ZDHHC15: variants seen among roughly 807,000 people sequenced by gnomAD.
The protein encoded by ZDHHC15 is zDHHC palmitoyltransferase 15, also known as palmitoyltransferase ZDHHC15.
ZDHHC15 carries 19 observed loss-of-function variants against 31.7 expected under a neutral mutation model. The ratio of observed to expected loss-of-function variants is 0.60; its 90% CI spans 0.42 to 0.88. The LOEUF (loss-of-function observed/expected upper bound fraction) is 0.88, where lower values mean the gene tolerates loss of function less well. Among genes scored for constraint, ZDHHC15 ranks in the 40% least tolerant of loss-of-function variants. The pLI is 0.00. For synonymous variants in ZDHHC15, 103 were observed against 90.0 expected, an observed-to-expected ratio of 1.14 and a Z score of -0.82; for missense variants, 209 against 251.2, an observed-to-expected ratio of 0.83 and a Z score of 1.14.
chrX:75,517,751 TA>T (rs200170892), intron 1 of ZDHHC15, among the ~76,000 whole-genome samples: 1,803 of 109,321 alleles, frequency 0.016, 43 homozygotes, highest in African/African-American at 0.057. Context: ...AATAAAATTT[TA>T]AAAAAAAGCT....
chrX:75,399,842 C>T (rs1331947469), intron 10 of ZDHHC15, among the ~76,000 whole-genome samples: 2 of 111,206 alleles, frequency 1.8e-5, no homozygotes, highest in Non-Finnish European at 3.8e-5. Flanking sequence ...TGGTTCATAC[C>T]CCAAAACTTC....
intron 4 of ZDHHC15, among the ~76,000 whole-genome samples, chrX:75,449,751 C>T (rs2084089301): frequency 8.9e-6 from 1 of 111,813 alleles, no homozygotes; most frequent in Non-Finnish European, 1.9e-5. Flanking sequence ...CTTTCTAAAG[C>T]CTTGAAATAC....
intron 3 of ZDHHC15, among the ~76,000 whole-genome samples, chrX:75,470,432 C>T (rs1242633932): frequency 9.0e-6 from 1 of 110,887 alleles, no homozygotes; most frequent in Non-Finnish European, 1.9e-5. Context: ...AGTTTAGTGA[C>T]TCTATACATA....
At chrX:75,510,216 C>A (rs187081624) in intron 1 of ZDHHC15, among the ~76,000 whole-genome samples, 166 of 111,753 alleles carry the variant, frequency 1.5e-3, no homozygotes, top group African/African-American at 5.2e-3. Flanking sequence ...GCTCTCTTCA[C>A]ATAGCACAAC....
At chrX:75,494,664 C>G (rs764883493) in intron 2 of ZDHHC15, among the ~76,000 whole-genome samples, 32 of 112,074 alleles carry the variant, frequency 2.9e-4, no homozygotes, top group African/African-American at 9.7e-4. Flanking sequence ...ACAAACCTGA[C>G]AAAAACAGGA....
At position 75,510,573 on chromosome X, in the gene ZDHHC15, T is replaced by C. The variant is rs770524682; in HGVS notation, c.137-4726A>G. Among the ~76,000 whole-genome samples, 8 of 103,681 alleles carry C rather than the reference T, an allele frequency of 7.7e-5. No homozygotes were observed. The South Asian group carries it at 3.5e-3, about 46-fold the overall frequency. 90.0% of individuals were successfully genotyped at this position (103,681 alleles called of 115,157 possible). Reference sequence around the variant, plus strand: ...TCTTTTGTCTTTTTATTATTATTATTATTATTATTTTTTAAATTATACTTT... The same window carrying C: ...TCTTTTGTCTTTTTATTATTATTATCATTATTATTTTTTAAATTATACTTT... On this transcript the variant is annotated intron_variant, in intron 1 of 11. Coordinates refer to ENST00000373367, the MANE Select transcript of ZDHHC15 (RefSeq NM_144969.3).
At chrX:75,386,508 C>G (rs1015978314) in intron 10 of ZDHHC15, among the ~76,000 whole-genome samples, 4 of 111,615 alleles carry the variant, frequency 3.6e-5, no homozygotes, top group Admixed American at 1.9e-4. Context: ...CAGGGTCTCA[C>G]GCTGTTGCCC....
chrX:75,374,658 A>T (rs970650584), intron 11 of ZDHHC15, among the ~76,000 whole-genome samples: 18 of 100,024 alleles, frequency 1.8e-4, no homozygotes, highest in African/African-American at 6.1e-4. Flanking sequence ...AGTAAATTTT[A>T]GTGTGTGTGT....
intron 2 of ZDHHC15, chrX:75,501,918 T>G (rs1001761530): frequency 6.2e-5 from 7 of 112,128 alleles, no homozygotes; most frequent in African/African-American, 2.3e-4. Flanking sequence ...GATTGTTTAC[T>G]CTGTTGATAG....
At chrX:75,392,850 G>T (rs1041859196) in intron 10 of ZDHHC15, among the ~76,000 whole-genome samples, 6 of 111,120 alleles carry the variant, frequency 5.4e-5, no homozygotes, top group South Asian at 3.8e-4. Context: ...TGGTCATGTG[G>T]TTGTAGCTGG....
At chrX:75,466,221 C>G (rs772132459) in intron 3 of ZDHHC15, among the ~76,000 whole-genome samples, 1 of 111,986 alleles carries the variant, frequency 8.9e-6, no homozygotes, top group African/African-American at 3.2e-5. Context: ...GATTATTAAA[C>G]ACAAATCAAA....
At position 75,438,273 on chromosome X, in the gene ZDHHC15, C is replaced by T. The variant is rs190344993; in HGVS notation, c.380-6753G>A. On this transcript the variant is annotated intron_variant, in intron 4 of 11. Coordinates refer to ENST00000373367, the MANE Select transcript of ZDHHC15 (RefSeq NM_144969.3). The stretch of plus-strand genomic sequence containing the variant: ...CTGTCAGTGGAGTAGTGAAGTCCCC[C>T]GCTATTATTGTGTTGCCATCTATTT... 5.4e-5 allele frequency among the ~76,000 whole-genome samples: 6 copies of T among 111,520 alleles called. No individual in the cohort carries two copies. In the East Asian group the frequency reaches 1.4e-3, roughly 26 times the overall value.
At chrX:75,432,588 A>G (rs751937504) in intron 4 of ZDHHC15, among the ~76,000 whole-genome samples, 5 of 111,756 alleles carry the variant, frequency 4.5e-5, no homozygotes, top group Non-Finnish European at 7.5e-5. Flanking sequence ...ATTGTCTCTT[A>G]GCTAGTTGAC....
At chrX:75,467,880 C>T (rs753331808) in intron 3 of ZDHHC15, among the ~76,000 whole-genome samples, 7 of 110,833 alleles carry the variant, frequency 6.3e-5, no homozygotes, top group South Asian at 3.9e-4. Context: ...CAAAAGGAAA[C>T]ACCATACCTA....
At chrX:75,471,835 C>T (rs759643749) in intron 3 of ZDHHC15, among the ~76,000 whole-genome samples, 7 of 111,759 alleles carry the variant, frequency 6.3e-5, no homozygotes, top group Non-Finnish European at 1.3e-4. Context: ...CAGGCTCCCA[C>T]AGGTGAATCA....
In ZDHHC15 at chrX:75,415,723, T is replaced by G. The variant is rs781461208; in HGVS notation, c.967+1364A>C. 8.9e-5 allele frequency among the ~76,000 whole-genome samples: 10 copies of G among 112,709 alleles called. No individual in the cohort carries two copies. The South Asian group carries it at 3.6e-3, about 41-fold the overall frequency. On this transcript the variant is annotated intron_variant, in intron 10 of 11. Coordinates refer to ENST00000373367, the MANE Select transcript of ZDHHC15 (RefSeq NM_144969.3). ...AGAAAAAATATAGGAAAGCACTTTG[T>G]AAACTATAAAATAACATACTAATTT...
intron 2 of ZDHHC15, among the ~76,000 whole-genome samples, chrX:75,491,793 G>A (rs1022135368): frequency 2.3e-4 from 25 of 110,792 alleles, no homozygotes; most frequent in East Asian, 2.8e-4. Flanking sequence ...TGAAGGAAGC[G>A]CTAAACATGG....
chrX:75,434,073 T>G (rs940255942), intron 4 of ZDHHC15, among the ~76,000 whole-genome samples: 1 of 112,068 alleles, frequency 8.9e-6, no homozygotes, highest in African/African-American at 3.2e-5. Context: ...TGGTTTTGAC[T>G]TGCATTTCCC....
At chrX:75,375,342 T>A (rs1264256318) in intron 11 of ZDHHC15, among the ~76,000 whole-genome samples, 1 of 112,521 alleles carries the variant, frequency 8.9e-6, no homozygotes, top group East Asian at 2.8e-4. Context: ...TTAATGTTTA[T>A]TTTTCATTTT....
Sources: gnomAD v4.1 joint callset for allele counts (sites outside exome capture counted in the v4.1 genomes callset) on GRCh38, gnomAD v4.1.1 for gene constraint, MANE v1.5 for transcripts, NCBI Gene and HGNC (gene_info 2026-07-23, HGNC 2026-07-21) for gene names.